PICK1: variants seen among roughly 807,000 people sequenced by gnomAD.
PICK1 encodes the protein protein interacting with PRKCA 1.
PICK1 carries 23 observed loss-of-function variants against 48.9 expected under a neutral mutation model. The observed-to-expected ratio is 0.47, with a 90% confidence interval of 0.34 to 0.67. PICK1 has a LOEUF of 0.67. Ranked by LOEUF, PICK1 falls within the 30% of genes least tolerant of loss-of-function variation. The pLI, the probability that PICK1 is intolerant of heterozygous loss-of-function variation, is 0.01. For synonymous variants in PICK1, 217 were observed against 228.2 expected, an observed-to-expected ratio of 0.95 and a Z score of 0.44; for missense variants, 423 against 557.1, an observed-to-expected ratio of 0.76 and a Z score of 2.42.
At chr22:38,069,012 G>A in intron 5 of PICK1, 21 bp from the exon 6 acceptor site, 1 of 1,603,142 alleles carries the variant, frequency 6.2e-7, no homozygotes, top group Non-Finnish European at 8.5e-7. Context: ...AGACTCACCA[G>A]GTCCTTTGTC....
intron 3 of PICK1, among the ~76,000 whole-genome samples, chr22:38,062,683 ATCC>A (rs10563532): frequency 0.31 from 46,919 of 151,740 alleles, 7,391 homozygotes; most frequent in East Asian, 0.4. Flanking sequence ...CGTGGAGAAT[ATCC>A]TCCTGTAGCT....
intron 8 of PICK1, 91 bp from the exon 9 acceptor site, chr22:38,072,386 C>CA: frequency 6.7e-7 from 1 of 1,501,516 alleles, no homozygotes; most frequent in South Asian, 1.2e-5. Context: ...TCCAGCCTGC[C>CA]AGGCCCCCTG....
chr22:38,067,148 T>G (rs2085546524), intron 4 of PICK1, among the ~76,000 whole-genome samples: 1 of 151,942 alleles, frequency 6.6e-6, no homozygotes, highest in African/African-American at 2.4e-5. Context: ...GCACAAGACA[T>G]CAGAGACCGC....
chr22:38,064,986 C>T lies in PICK1; in HGVS notation c.154-16C>T, dbSNP rs373308734. ...CCTCCCTTTCTTCCCCCACCACTCT[C>T]CTTATGCACCCACAGGTATTTGACA... On this transcript the variant is annotated splice_polypyrimidine_tract_variant and intron_variant, in intron 3 of 12. Transcript: ENST00000356976. 4 of 1,613,824 alleles carry T rather than the reference C, an allele frequency of 2.5e-6. No homozygotes were observed. Among genetic ancestry groups the T allele is most frequent in the Non-Finnish European group, 2.5e-6 (3 of 1,179,880 alleles).
chr22:38,058,851 A>C (rs1371637626), intron 2 of PICK1, among the ~76,000 whole-genome samples: 1 of 152,004 alleles, frequency 6.6e-6, no homozygotes, highest in Non-Finnish European at 1.5e-5. Flanking sequence ...CTAAAAATAC[A>C]AAAAAATCAG....
chr22:38,062,990 G>A (rs973175416), intron 3 of PICK1, among the ~76,000 whole-genome samples: 1 of 152,166 alleles, frequency 6.6e-6, no homozygotes, highest in East Asian at 1.9e-4. Context: ...GGGAGGAGTC[G>A]TGATGGTAGC....
At chr22:38,064,126 C>T (rs976957487) in intron 3 of PICK1, among the ~76,000 whole-genome samples, 2 of 152,012 alleles carry the variant, frequency 1.3e-5, no homozygotes, top group South Asian at 2.1e-4. Flanking sequence ...GACATGATCT[C>T]GGCTTACTAC....
intron 5 of PICK1, chr22:38,068,235 T>C (rs1461639646): frequency 7.1e-6 from 3 of 424,358 alleles, no homozygotes; most frequent in African/African-American, 4.1e-5. Context: ...ACCTCAGGCA[T>C]TGGGCAGAGG....
At chr22:38,071,803 C>G in intron 8 of PICK1, 59 bp downstream of exon 8, 1 of 1,456,394 alleles carries the variant, frequency 6.9e-7, no homozygotes, top group Non-Finnish European at 9.6e-7. Context: ...GCCTCTCACT[C>G]CCATGCTGAG....
chr22:38,075,034 G>T lies in PICK1; in HGVS notation c.1150G>T (p.Glu384Ter). The T allele has an allele frequency of 6.2e-7, 1 of 1,613,346 alleles. No individual in the cohort carries two copies. Among genetic ancestry groups the T allele is most frequent in the Non-Finnish European group, 8.5e-7 (1 of 1,179,992 alleles). Residue 384 changes from glutamate (E) to a stop codon, truncating the protein, a stop_gained, in exon 13 of 13, where the codon GAG becomes TAG. Transcript: ENST00000356976. LOFTEE classifies it high-confidence loss of function. The part of the protein sequence containing the change: ...NQEEFTDGEE[E>*]EEEEDTAAGE... Reference sequence around the variant, plus strand: ...GGAGGAGTTCACAGATGGGGAGGAGGAGGAGGAGGAGGAAGACACGGCAGC... The same window carrying T: ...GGAGGAGTTCACAGATGGGGAGGAGTAGGAGGAGGAGGAAGACACGGCAGC...
intron 5 of PICK1, 198 bp downstream of exon 5, chr22:38,067,968 C>T: frequency 1.5e-6 from 1 of 679,736 alleles, no homozygotes; most frequent in Non-Finnish European, 2.8e-6. Context: ...TGCATCTGTT[C>T]TTGTACTCTG....
At chr22:38,069,495 C>G (rs1006513145) in intron 6 of PICK1, among the ~76,000 whole-genome samples, 4 of 152,232 alleles carry the variant, frequency 2.6e-5, no homozygotes, top group African/African-American at 9.6e-5. Context: ...CAGGTCCTCC[C>G]TTCGTGGTGG....
At chr22:38,065,944 C>G (rs949288290) in intron 4 of PICK1, among the ~76,000 whole-genome samples, 1 of 152,186 alleles carries the variant, frequency 6.6e-6, no homozygotes, top group Non-Finnish European at 1.5e-5. Flanking sequence ...CACTTCCATC[C>G]TCCGGGTTCT....
intron 3 of PICK1, among the ~76,000 whole-genome samples, chr22:38,062,745 G>A (rs928530168): frequency 2.0e-5 from 3 of 152,166 alleles, no homozygotes; most frequent in African/African-American, 7.2e-5. Flanking sequence ...CCTCGGGTCT[G>A]TCTTTTTTGG....
intron 8 of PICK1, 113 bp from the exon 9 acceptor site, chr22:38,072,364 C>T: frequency 1.6e-6 from 2 of 1,267,354 alleles, no homozygotes; most frequent in Non-Finnish European, 2.2e-6. Context: ...AGCCCCTGTG[C>T]AGACATTGGC....
intron 4 of PICK1, among the ~76,000 whole-genome samples, chr22:38,067,232 G>T (rs1262705706): frequency 6.6e-6 from 1 of 151,960 alleles, no homozygotes; most frequent in African/African-American, 2.4e-5. Context: ...GAAGGGAGGG[G>T]CCTGGGATCA....
chr22:38,067,745 C>G lies in PICK1; in HGVS notation c.324C>G (p.Pro108=). ...TIHYNKLQAD[P]KQGMSLDIVL... is the part of the protein sequence containing the mutation. ...ACTACAACAAGCTGCAGGCGGACCC[C>G]AAGCAGGGCATGTCCCTGGACATTG... The change falls in exon 5 of 13, where the codon CCC becomes CCG. Residue 108 remains proline, a synonymous_variant. Coordinates refer to ENST00000356976, the MANE Select transcript of PICK1 (RefSeq NM_012407.4). 5 of 1,614,020 alleles carry G rather than the reference C, an allele frequency of 3.1e-6. No individual in the cohort carries two copies. Among genetic ancestry groups the G allele is most frequent in the Non-Finnish European group, 4.2e-6 (5 of 1,179,900 alleles).
chr22:38,064,702 G>A (rs2085483661), intron 3 of PICK1, among the ~76,000 whole-genome samples: 3 of 152,118 alleles, frequency 2.0e-5, no homozygotes, highest in Non-Finnish European at 4.4e-5. Context: ...CGGAGGTTGC[G>A]GTGAGCGAGA....
chr22:38,067,659 G>T lies in PICK1; in HGVS notation c.283-45G>T, dbSNP rs778329969. 3 of 1,553,700 alleles carry T rather than the reference G, an allele frequency of 1.9e-6. No individual in the cohort carries two copies. The South Asian group carries it at 3.3e-5, about 17-fold the overall frequency. ...ACAGTCTTGGCTGGGAAGGGGCTCA[G>T]GGTGTGGAGCCTCGCTCACTAGTCT... On this transcript the variant is annotated intron_variant, in intron 4 of 12. Coordinates refer to ENST00000356976, the MANE Select transcript of PICK1 (RefSeq NM_012407.4).
Sources: gnomAD v4.1 joint callset for allele counts (sites outside exome capture counted in the v4.1 genomes callset) on GRCh38, gnomAD v4.1.1 for gene constraint, MANE v1.5 for transcripts, NCBI Gene and HGNC (gene_info 2026-07-23, HGNC 2026-07-21) for gene names.